Variants in GSE1 observed in about 807,000 individuals in gnomAD.
GSE1 encodes the protein genetic suppressor element 1.
GSE1 carries 32 observed loss-of-function variants against 112.6 expected under a neutral mutation model. The observed-to-expected ratio is 0.28, with a 90% confidence interval of 0.21 to 0.38. GSE1 has a LOEUF of 0.38. GSE1 is among the 10% of genes least tolerant of loss of function. The probability of loss-of-function intolerance (pLI) is 1.00; values close to 1 mark genes in which losing one functional copy is unlikely to be tolerated. For synonymous variants in GSE1, 1,115 were observed against 735.6 expected (o/e 1.52, Z -8.35); for missense variants, 2,348 against 1,699.2 (o/e 1.38, Z -6.71).
chr16:85,278,166 A>G (rs1191356042), intron 1 of GSE1, among the ~76,000 whole-genome samples: 2 of 152,196 alleles, frequency 1.3e-5, no homozygotes, highest in African/African-American at 4.8e-5. Context: ...GTCTGAATTC[A>G]AGCTGGTGAG....
chr16:85,329,913 G>T (rs1055047468), intron 1 of GSE1, among the ~76,000 whole-genome samples: 31 of 131,990 alleles, frequency 2.3e-4, no homozygotes, highest in African/African-American at 8.3e-4. Flanking sequence ...GGGCTAGGGG[G>T]ATGCAGGGGG....
intron 2 of GSE1, among the ~76,000 whole-genome samples, chr16:85,516,945 C>A (rs190862985): frequency 6.6e-6 from 1 of 152,288 alleles, no homozygotes; most frequent in African/African-American, 2.4e-5. Context: ...CTACAGGCGC[C>A]TGTCACCACG....
chr16:85,553,524 C>T (rs1430972159), upstream of GSE1, among the ~76,000 whole-genome samples: 1 of 151,246 alleles, frequency 6.6e-6, no homozygotes, highest in Non-Finnish European at 1.5e-5. Flanking sequence ...CGCTAGGCCG[C>T]CCGCTGGGAG....
intron 1 of GSE1, among the ~76,000 whole-genome samples, chr16:85,200,786 G>C (rs531735323): frequency 2.6e-5 from 4 of 152,086 alleles, no homozygotes; most frequent in African/African-American, 9.7e-5. Context: ...TGTACAGTTC[G>C]GTGGCATTAA....
chr16:85,625,905 C>G (rs191530532), intron 1 of GSE1, among the ~76,000 whole-genome samples: 3 of 152,274 alleles, frequency 2.0e-5, no homozygotes, highest in East Asian at 3.9e-4. Flanking sequence ...GGGCCAGGCG[C>G]TGTGTTGCTC....
chr16:85,672,176 TAGTAGATGGGGTTTCCCC>T (rs2053401031), intron 15 of GSE1: 1 of 526,736 alleles, frequency 1.9e-6, no homozygotes, highest in Non-Finnish European at 3.6e-6. Flanking sequence ...TTTTTTTGTT[TAGTAGATGGGGTTTCCCC>T]ATGTTGGCCA....
intron 2 of GSE1, among the ~76,000 whole-genome samples, chr16:85,417,466 C>T (rs1009386563): frequency 3.9e-5 from 6 of 152,234 alleles, no homozygotes; most frequent in Non-Finnish European, 7.3e-5. Context: ...CACACGGTTT[C>T]GGACTCCCTC....
intron 1 of GSE1, among the ~76,000 whole-genome samples, chr16:85,261,468 G>C (rs753218979): frequency 6.6e-6 from 1 of 152,262 alleles, no homozygotes; most frequent in Non-Finnish European, 1.5e-5. Context: ...TCCCGCAGAG[G>C]AGGAGGGCGC....
intron 2 of GSE1, among the ~76,000 whole-genome samples, chr16:85,424,879 C>T (rs951073343): frequency 2.0e-5 from 3 of 152,270 alleles, no homozygotes; most frequent in African/African-American, 7.2e-5. Context: ...AAATCATCAC[C>T]CCACGAAGTC....
chr16:85,329,081 A>G (rs2046285947), intron 1 of GSE1, among the ~76,000 whole-genome samples: 1 of 151,970 alleles, frequency 6.6e-6, no homozygotes, highest in South Asian at 2.1e-4. Context: ...CAGTGTTCTA[A>G]CACTTGAACT....
At chr16:85,336,758 C>T (rs1361179080) in intron 1 of GSE1, among the ~76,000 whole-genome samples, 2 of 152,162 alleles carry the variant, frequency 1.3e-5, no homozygotes, top group South Asian at 2.1e-4. Flanking sequence ...CCTGCCACCA[C>T]GCCCAGCCTT....
rs746400424 is a variant in GSE1 at position 85,661,350 on chromosome 16, C to T, written c.1845C>T (p.Ser615=). The T allele has an allele frequency of 6.2e-7, 1 of 1,612,122 alleles. No homozygotes were observed. Among genetic ancestry groups the T allele is most frequent in the Admixed American group, 1.7e-5 (1 of 59,976 alleles). The stretch of plus-strand genomic sequence containing the variant: ...GCCACCCGGCTGCATTTGAGCCCAG[C>T]CGCCAGGCAGCCGTGCCGCTGGTGA... The part of the protein sequence containing the change: ...LHSHPAAFEP[S]RQAAVPLVKV... Residue 615 remains serine (S), a synonymous_variant, in exon 9 of 16, where the codon AGC becomes AGT. Coordinates refer to ENST00000253458, the MANE Select transcript of GSE1 (RefSeq NM_014615.5).
At chr16:85,560,150 T>TTTTTTTA (rs1179259849) in intron 1 of GSE1, among the ~76,000 whole-genome samples, 54 of 145,194 alleles carry the variant, frequency 3.7e-4, no homozygotes, top group Non-Finnish European at 4.7e-4. Flanking sequence ...TTTTTTTTTT[T>TTTTTTTA]ATGTGAGACG....
At chr16:85,238,113 G>C (rs986958115) in intron 1 of GSE1, among the ~76,000 whole-genome samples, 9 of 152,176 alleles carry the variant, frequency 5.9e-5, no homozygotes, top group African/African-American at 2.2e-4. Flanking sequence ...CATGGCCTGT[G>C]GTGCTGTTGG....
rs79063263 is a variant in GSE1 at position 85,293,144 on chromosome 16, C to T, written c.2284-64319C>T. Among the ~76,000 whole-genome samples the T allele has an allele frequency of 7.6e-4, 115 of 152,166 alleles. 1 individual carries two copies. In the East Asian group the frequency reaches 0.021, roughly 28 times the overall value. Reference sequence around the variant, plus strand: ...AGCCCAGCCCCTGAGAGTCACGGATCGGCTTTTGTCCCCCCATCGCTGTAC... The same window carrying T: ...AGCCCAGCCCCTGAGAGTCACGGATTGGCTTTTGTCCCCCCATCGCTGTAC... On this transcript the variant is annotated intron_variant, in intron 1 of 2. Coordinates refer to the GSE1 transcript ENST00000637419.
intron 1 of GSE1, among the ~76,000 whole-genome samples, chr16:85,629,699 A>AGGGGGAT (rs1308188269): frequency 6.6e-6 from 1 of 152,154 alleles, no homozygotes; most frequent in Non-Finnish European, 1.5e-5. Context: ...AATGTGGGAA[A>AGGGGGAT]GGGGGATGGG....
At chr16:85,654,216 G>A in intron 3 of GSE1, 62 bp from the exon 4 acceptor site, 1 of 1,464,408 alleles carries the variant, frequency 6.8e-7, no homozygotes, top group Non-Finnish European at 9.3e-7. Context: ...AGACCTGGCT[G>A]TGTCCTGTGG....
chr16:85,256,646 C>G (rs1488068630), intron 1 of GSE1, among the ~76,000 whole-genome samples: 1 of 152,278 alleles, frequency 6.6e-6, no homozygotes, highest in African/African-American at 2.4e-5. Flanking sequence ...CTCCCCATCC[C>G]TGCCTGAACA....
chr16:85,541,887 A>C (rs1484583929), intron 2 of GSE1, among the ~76,000 whole-genome samples: 1 of 152,222 alleles, frequency 6.6e-6, no homozygotes, highest in African/African-American at 2.4e-5. Flanking sequence ...CCTCCCCAGC[A>C]CTGGGAACGG....
Sources: allele counts gnomAD v4.1 joint callset (sites outside exome capture counted in the v4.1 genomes callset), GRCh38; gene constraint gnomAD v4.1.1; transcripts MANE v1.5; gene names NCBI Gene and HGNC (gene_info 2026-07-23, HGNC 2026-07-21).